TCF4: variants seen among roughly 807,000 people sequenced by gnomAD.
TCF4 encodes the protein transcription factor 4.
A neutral mutation model predicts 82.1 loss-of-function variants in TCF4; 3 were observed. The ratio of observed to expected loss-of-function variants is 0.04; its 90% confidence interval spans 0.02 to 0.09. The LOEUF (loss-of-function observed/expected upper bound fraction) is 0.09, where lower values mean the gene tolerates loss of function less well. Among genes scored for constraint, TCF4 ranks in the 10% least tolerant of loss-of-function variants. The pLI, the probability that TCF4 is intolerant of heterozygous loss-of-function variation, is 1.00. For synonymous variants in TCF4, 276 were observed against 309.6 expected, an observed-to-expected ratio of 0.89 and a Z score of 1.14; for missense variants, 518 against 852.7, an observed-to-expected ratio of 0.61 and a Z score of 4.89.
chr18:55,546,182 T>A (rs1048784883), intron 3 of TCF4, among the ~76,000 whole-genome samples: 2 of 151,882 alleles, frequency 1.3e-5, no homozygotes, highest in African/African-American at 4.8e-5. Context: ...CAAAAAAAAT[T>A]TTTTAAATCA....
At chr18:55,337,961 C>T (rs1267626914) in intron 8 of TCF4, among the ~76,000 whole-genome samples, 1 of 151,968 alleles carries the variant, frequency 6.6e-6, no homozygotes, top group African/African-American at 2.4e-5. Context: ...TATGAGGAAG[C>T]ACAATAACAG....
intron 15 of TCF4, 87 bp from the exon 16 acceptor site, chr18:55,234,770 T>G: frequency 6.4e-7 from 1 of 1,552,608 alleles, no homozygotes; most frequent in Admixed American, 1.7e-5. Flanking sequence ...TGATGAAGGC[T>G]GGCTTTTCAA....
In TCF4 at chr18:55,419,605, A is replaced by T. The variant is rs1311149904; in HGVS notation, c.305-16087T>A. 3.3e-5 allele frequency among the ~76,000 whole-genome samples: 5 copies of T among 152,222 alleles called. No homozygotes were observed. The East Asian group carries it at 9.6e-4, about 29-fold the overall frequency. On this transcript the variant is annotated intron_variant, in intron 5 of 19. Coordinates refer to ENST00000354452, the MANE Select transcript of TCF4 (RefSeq NM_001083962.2). ...TGAAATTCAGGTTAGGCAGTGGCTC[A>T]TGAGTAATATACTTAGGGAAATCAC...
chr18:55,549,255 C>T (rs947728823), intron 3 of TCF4, among the ~76,000 whole-genome samples: 3 of 151,942 alleles, frequency 2.0e-5, no homozygotes, highest in Non-Finnish European at 2.9e-5. Flanking sequence ...AAGCCAAGAT[C>T]GCACCACTGC....
chr18:55,518,070 C>T (rs920243039), intron 3 of TCF4, among the ~76,000 whole-genome samples: 7 of 152,138 alleles, frequency 4.6e-5, no homozygotes, highest in East Asian at 1.9e-4. Flanking sequence ...AATGGCCTAC[C>T]GTTAAGTACT....
chr18:55,267,729 C>T (rs955945066), intron 11 of TCF4: 26 of 152,046 alleles, frequency 1.7e-4, no homozygotes, highest in Non-Finnish European at 3.7e-4. Context: ...TTTTCTCATT[C>T]CGCTAGTGGA....
chr18:55,403,437 C>T lies in TCF4; in HGVS notation c.369+17G>A, dbSNP rs2093934221. 1 of 1,613,556 alleles carries T rather than the reference C, an allele frequency of 6.2e-7. No homozygotes were observed. The highest frequency in any genetic ancestry group is 8.5e-7 in the Non-Finnish European group (1 of 1,179,540). Reference sequence around the variant, plus strand: ...GTTAATCCTCTCAACCCTTCCGCAACAGAGATTCTCACTTACCTGGTGGCA... The same window carrying T: ...GTTAATCCTCTCAACCCTTCCGCAATAGAGATTCTCACTTACCTGGTGGCA... On this transcript the variant is annotated intron_variant, in intron 6 of 19. Transcript: ENST00000354452.
intron 6 of TCF4, among the ~76,000 whole-genome samples, chr18:55,393,665 A>C (rs899763092): frequency 1.3e-5 from 2 of 152,218 alleles, no homozygotes; most frequent in East Asian, 3.8e-4. Flanking sequence ...TGTTTGCTTC[A>C]TGCAATTTGC....
chr18:55,473,402 T>C (rs937029465), intron 3 of TCF4, among the ~76,000 whole-genome samples: 6 of 152,222 alleles, frequency 3.9e-5, no homozygotes, highest in African/African-American at 1.4e-4. Flanking sequence ...TCCTGTTTGT[T>C]TTATTGTCAT....
At chr18:55,323,266 T>C (rs1321574298) in intron 8 of TCF4, among the ~76,000 whole-genome samples, 1 of 152,158 alleles carries the variant, frequency 6.6e-6, no homozygotes, top group African/African-American at 2.4e-5. Context: ...CATTTGCATA[T>C]GCCGAAGCAA....
At chr18:55,546,188 A>T (rs970214941) in intron 3 of TCF4, among the ~76,000 whole-genome samples, 3 of 152,066 alleles carry the variant, frequency 2.0e-5, no homozygotes, top group African/African-American at 7.2e-5. Flanking sequence ...AAATTTTTTA[A>T]ATCAGCCAGT....
intron 3 of TCF4, among the ~76,000 whole-genome samples, chr18:55,507,268 C>A: frequency 6.6e-6 from 1 of 152,056 alleles, no homozygotes; most frequent in East Asian, 1.9e-4. Context: ...GCTTTGGGGC[C>A]ATAGTTAAGT....
intron 8 of TCF4, among the ~76,000 whole-genome samples, chr18:55,330,234 G>A (rs2077297318): frequency 7.0e-6 from 1 of 142,038 alleles, no homozygotes. Context: ...AGGCTGGAGT[G>A]CAGTGGCACG....
chr18:55,565,792 G>A (rs1331560160), intron 3 of TCF4, among the ~76,000 whole-genome samples: 2 of 151,876 alleles, frequency 1.3e-5, no homozygotes, highest in Non-Finnish European at 1.5e-5. Context: ...AGAATAAAAT[G>A]ATGTCTTTTG....
intron 3 of TCF4, among the ~76,000 whole-genome samples, chr18:55,486,485 A>G (rs2096516933): frequency 6.6e-6 from 1 of 152,076 alleles, no homozygotes; most frequent in African/African-American, 2.4e-5. Context: ...CCAGCCACTC[A>G]GGAGGCTGAG....
At chr18:55,362,511 T>C (rs1418031136) in intron 6 of TCF4, among the ~76,000 whole-genome samples, 1 of 152,158 alleles carries the variant, frequency 6.6e-6, no homozygotes, top group East Asian at 1.9e-4. Flanking sequence ...AAACAGGGAC[T>C]GTCTCTTTTT....
chr18:55,631,103 G>A (rs1027842606), intron 2 of TCF4, among the ~76,000 whole-genome samples: 27 of 148,020 alleles, frequency 1.8e-4, no homozygotes, highest in African/African-American at 5.5e-4. Context: ...AGGTTGCAGT[G>A]CAGTGGCATG....
At position 55,223,320 on chromosome 18, in the gene TCF4, T is replaced by C. The variant is rs952736937; in HGVS notation, c.*4715A>G. The C allele has an allele frequency of 6.6e-6, 1 of 152,548 alleles. No homozygotes were observed. Among genetic ancestry groups the C allele is most frequent in the African/African-American group, 2.4e-5 (1 of 41,466 alleles). 9.4% of individuals were successfully genotyped at this position (152,548 alleles called of 1,614,324 possible). A position where few individuals can be genotyped will look rare whatever the true frequency, so the allele number is the denominator to read the frequency against. On this transcript the variant is annotated 3_prime_UTR_variant, in exon 20 of 20. Coordinates refer to ENST00000354452, the MANE Select transcript of TCF4 (RefSeq NM_001083962.2). Reference sequence around the variant, plus strand: ...TTCAATTTGTTTTTGTGATTTTTTTTGTATGTTTTGTTTGTTAAGCTGTCA... The same window carrying C: ...TTCAATTTGTTTTTGTGATTTTTTTCGTATGTTTTGTTTGTTAAGCTGTCA...
At chr18:55,611,328 A>T (rs2097706789) in intron 2 of TCF4, among the ~76,000 whole-genome samples, 1 of 152,184 alleles carries the variant, frequency 6.6e-6, no homozygotes, top group African/African-American at 2.4e-5. Flanking sequence ...AACTGATCTC[A>T]GAGTTGGGAT....
Sources: gnomAD v4.1 joint callset for allele counts (sites outside exome capture counted in the v4.1 genomes callset) on GRCh38, gnomAD v4.1.1 for gene constraint, MANE v1.5 for transcripts, NCBI Gene and HGNC (gene_info 2026-07-23, HGNC 2026-07-21) for gene names.